NBAS: variants seen among roughly 807,000 people sequenced by gnomAD.
NBAS encodes the protein NBAS subunit of NRZ tethering complex.
NBAS carries 219 observed loss-of-function variants against 302.5 expected under a neutral mutation model. That is an observed-to-expected ratio of 0.72 (90% CI 0.65 to 0.81). The LOEUF (loss-of-function observed/expected upper bound fraction) is 0.81. NBAS is among the 30% of genes least tolerant of loss of function. The pLI is 0.00. For missense variants in NBAS, 2,932 were observed against 2,841.6 expected, an observed-to-expected ratio of 1.03 and a Z score of -0.72; for synonymous variants, 1,118 against 1,021.6, an observed-to-expected ratio of 1.09 and a Z score of -1.80.
At chr2:15,084,742 C>G in the NBAS span, among the ~76,000 whole-genome samples, 1 of 152,064 alleles carries the variant, frequency 6.6e-6, no homozygotes. Flanking sequence ...CATCTCTCTT[C>G]CCTCCCCCTT....
the NBAS span, among the ~76,000 whole-genome samples, chr2:15,060,699 G>A: frequency 6.6e-6 from 1 of 152,122 alleles, no homozygotes; most frequent in Non-Finnish European, 1.5e-5. Flanking sequence ...CTACTTTCTC[G>A]TGGGTGATTT....
At chr2:15,198,062 T>C (rs1665701117) in intron 48 of NBAS, among the ~76,000 whole-genome samples, 1 of 152,188 alleles carries the variant, frequency 6.6e-6, no homozygotes, top group African/African-American at 2.4e-5. Flanking sequence ...ACACACAAAG[T>C]AGACATTTTT....
chr2:15,232,789 G>A (rs1412682210), intron 46 of NBAS, among the ~76,000 whole-genome samples: 1 of 151,634 alleles, frequency 6.6e-6, no homozygotes, highest in Non-Finnish European at 1.5e-5. Flanking sequence ...AAAAACATTC[G>A]TTGAACATTA....
At chr2:15,468,847 A>C (rs1278664019) in intron 16 of NBAS, among the ~76,000 whole-genome samples, 2 of 152,222 alleles carry the variant, frequency 1.3e-5, no homozygotes. Flanking sequence ...TTTGGTTTGC[A>C]CCGTGGCTGT....
At chr2:15,473,468 G>A (rs1401333315) in intron 15 of NBAS, 121 bp from the exon 16 acceptor site, 2 of 1,249,254 alleles carry the variant, frequency 1.6e-6, no homozygotes, top group Non-Finnish European at 2.3e-6. Context: ...TAATTCCTGT[G>A]CACTGTGGCA....
At chr2:15,331,484 C>T (rs556775326) in intron 35 of NBAS, among the ~76,000 whole-genome samples, 1 of 152,302 alleles carries the variant, frequency 6.6e-6, no homozygotes, top group East Asian at 1.9e-4. Context: ...TGTCTATCCA[C>T]TTCCACTTAC....
the NBAS span, among the ~76,000 whole-genome samples, chr2:15,156,017 C>T: frequency 6.6e-6 from 1 of 152,182 alleles, no homozygotes; most frequent in Non-Finnish European, 1.5e-5. Context: ...TACTCTCTTT[C>T]ATAGTGGTGG....
chr2:15,257,157 C>T (rs1668635023), intron 44 of NBAS, among the ~76,000 whole-genome samples: 1 of 152,176 alleles, frequency 6.6e-6, no homozygotes, highest in African/African-American at 2.4e-5. Flanking sequence ...TAAAATTCAG[C>T]TGTGAATCCA....
rs117923116 is a variant in NBAS, at chr2:15,394,145, A to G, written c.3257+82T>C. On this transcript the variant is annotated intron_variant, in intron 28 of 51. Coordinates refer to ENST00000281513, the MANE Select transcript of NBAS (RefSeq NM_015909.4). ...GCAGTTTATTATTAGTTATAACACA[A>G]TGAGGTTGTCAGAAAAAGAGAAATA... 1.5e-3 allele frequency: 2,100 copies of G among 1,422,074 alleles called. 4 individuals carry two copies. The highest frequency in any genetic ancestry group is 7.2e-3 in the East Asian group (286 of 39,924). 88.1% of individuals were successfully genotyped at this position (1,422,074 alleles called of 1,614,324 possible). A position where few individuals can be genotyped will look rare whatever the true frequency, so the allele number is the denominator to read the frequency against.
At chr2:15,143,199 C>A in the NBAS span, among the ~76,000 whole-genome samples, 2 of 152,192 alleles carry the variant, frequency 1.3e-5, no homozygotes, top group African/African-American at 4.8e-5. Flanking sequence ...AATTCTTTAT[C>A]TCACTTAAGG....
intron 47 of NBAS, among the ~76,000 whole-genome samples, chr2:15,229,347 C>CAAAAAAAAAAAAAAAA (rs61152926): frequency 6.5e-5 from 5 of 76,870 alleles, no homozygotes; most frequent in Non-Finnish European, 1.1e-4. Context: ...TCTCAAAAAA[C>CAAAAAAAAAAAAAAAA]AAAAAAAAAA....
intron 21 of NBAS, among the ~76,000 whole-genome samples, chr2:15,442,594 T>C (rs1048786589): frequency 6.6e-6 from 1 of 151,694 alleles, no homozygotes; most frequent in Non-Finnish European, 1.5e-5. Flanking sequence ...TTAAAAGAAC[T>C]AGAAAAGCAA....
At chr2:15,233,733 C>A (rs1173543523) in intron 46 of NBAS, among the ~76,000 whole-genome samples, 1 of 152,084 alleles carries the variant, frequency 6.6e-6, no homozygotes, top group Non-Finnish European at 1.5e-5. Context: ...ATGGATACCT[C>A]AGAGCATTAA....
intron 47 of NBAS, among the ~76,000 whole-genome samples, chr2:15,224,510 G>T (rs545512036): frequency 6.6e-6 from 1 of 152,274 alleles, no homozygotes; most frequent in East Asian, 1.9e-4. Context: ...AAGTAAACTG[G>T]CAACCAGATT....
chr2:14,907,231 T>C, the NBAS span, among the ~76,000 whole-genome samples: 11 of 152,212 alleles, frequency 7.2e-5, no homozygotes, highest in African/African-American at 2.7e-4. Flanking sequence ...GCTGTCACCC[T>C]GGTAATTAGT....
At chr2:15,202,768 C>T (rs968132157) in intron 48 of NBAS, among the ~76,000 whole-genome samples, 2 of 152,260 alleles carry the variant, frequency 1.3e-5, no homozygotes, top group African/African-American at 2.4e-5. Flanking sequence ...AAACTCCCGA[C>T]CTCAGGTAAT....
chr2:15,023,838 CTAA>C, the NBAS span, among the ~76,000 whole-genome samples: 7 of 151,668 alleles, frequency 4.6e-5, no homozygotes, highest in South Asian at 1.0e-3. Flanking sequence ...ATTTTTATCA[CTAA>C]TATTTTCAAA....
chr2:14,909,366 T>TAAAAAAAAAAAAAAAAAAAAAAAAA, the NBAS span, among the ~76,000 whole-genome samples: 13 of 78,580 alleles, frequency 1.7e-4, 2 homozygotes, highest in African/African-American at 6.1e-4. Context: ...GGAGAGTTTC[T>TAAAAAAAAAAAAAAAAAAAAAAAAA]AAAAAAAAAA....
chr2:15,470,950 A>G (rs1008306713), intron 16 of NBAS, among the ~76,000 whole-genome samples: 2 of 152,088 alleles, frequency 1.3e-5, no homozygotes, highest in Non-Finnish European at 2.9e-5. Context: ...AAAAAAAAGC[A>G]AAACTCCATC....
Sources: allele counts gnomAD v4.1 joint callset (sites outside exome capture counted in the v4.1 genomes callset), GRCh38; gene constraint gnomAD v4.1.1; transcripts MANE v1.5; gene names NCBI Gene and HGNC (gene_info 2026-07-23, HGNC 2026-07-21).